DAZL: variants seen among roughly 807,000 people sequenced by gnomAD.
DAZL encodes the protein deleted in azoospermia-like.
A neutral mutation model predicts 45.0 loss-of-function variants in DAZL; 4 were observed. That is an observed-to-expected ratio of 0.09 (90% CI 0.04 to 0.20). DAZL has a LOEUF of 0.20. Among genes scored for constraint, DAZL ranks in the 10% least tolerant of loss-of-function variants. The pLI is 1.00. For missense variants in DAZL, 326 were observed against 351.3 expected (o/e 0.93, Z 0.58); for synonymous variants, 122 against 112.4 (o/e 1.09, Z -0.54).
At chr3:16,596,699 G>C (rs750661689) in intron 6 of DAZL, 51 bp downstream of exon 6, 37 of 1,592,770 alleles carry the variant, frequency 2.3e-5, no homozygotes, top group Non-Finnish European at 3.0e-5. Context: ...TTCCACAGAA[G>C]GTACGATGAC....
At chr3:16,597,678 T>C (rs1694621568) in intron 3 of DAZL, 137 bp from the exon 4 acceptor site, 1 of 667,654 alleles carries the variant, frequency 1.5e-6, no homozygotes, top group Non-Finnish European at 2.8e-6. Context: ...ACATGATAGA[T>C]CCTCTACAAA....
At chr3:16,591,906 A>G in intron 10 of DAZL, 144 bp downstream of exon 10, 1 of 919,700 alleles carries the variant, frequency 1.1e-6, no homozygotes. Context: ...GGTAAAACCC[A>G]CTCTGGTTTA....
At chr3:16,604,103 ACAT>A (rs1246846217) in intron 1 of DAZL, among the ~76,000 whole-genome samples, 4 of 152,224 alleles carry the variant, frequency 2.6e-5, no homozygotes, top group Admixed American at 6.5e-5. Context: ...GCACAATTAC[ACAT>A]AATAGGTGTT....
intron 10 of DAZL, among the ~76,000 whole-genome samples, chr3:16,590,142 G>GTAA (rs1022010192): frequency 2.4e-4 from 36 of 150,732 alleles, no homozygotes; most frequent in African/African-American, 8.7e-4. Context: ...AGACACCTAT[G>GTAA]TAATCATCAG....
intron 9 of DAZL, among the ~76,000 whole-genome samples, chr3:16,592,366 G>A (rs545349556): frequency 2.7e-3 from 413 of 152,144 alleles, no homozygotes; most frequent in Non-Finnish European, 3.7e-3. Flanking sequence ...AGGAATTCAA[G>A]ACCAGCCTGG....
At position 16,598,183 on chromosome 3, in the gene DAZL, G is replaced by A; in HGVS notation, c.151-5C>T. 1 of 1,583,838 alleles carries A rather than the reference G, an allele frequency of 6.3e-7. No homozygotes were observed. The highest frequency in any genetic ancestry group is 8.7e-7 in the Non-Finnish European group (1 of 1,155,904). Reference sequence around the variant, plus strand: ...TCTAATCTCAGTTTCATCCATCTATGGAAAAGAATTGAACTTCAAGAGTAA... The same window carrying A: ...TCTAATCTCAGTTTCATCCATCTATAGAAAAGAATTGAACTTCAAGAGTAA... On this transcript the variant is annotated splice_region_variant and splice_polypyrimidine_tract_variant and intron_variant, in intron 2 of 10. Transcript: ENST00000399444.
chr3:16,596,412 T>C lies in DAZL; in HGVS notation c.498+338A>G, dbSNP rs1328622136. Among the ~76,000 whole-genome samples the C allele has an allele frequency of 2.0e-5, 3 of 152,026 alleles. No individual in the cohort carries two copies. In the East Asian group the frequency reaches 5.8e-4, roughly 29 times the overall value. On this transcript the variant is annotated intron_variant, in intron 6 of 10. Coordinates refer to ENST00000399444, the MANE Select transcript of DAZL (RefSeq NM_001351.4). ...TGCAAATAAAGAATAGCTAGATGAT[T>C]TGCTAACCTTAGAGAAGAATATACT...
intron 1 of DAZL, among the ~76,000 whole-genome samples, chr3:16,598,974 G>C (rs1273375775): frequency 6.6e-6 from 1 of 151,830 alleles, no homozygotes; most frequent in Non-Finnish European, 1.5e-5. Flanking sequence ...GTAGAGATGG[G>C]GTTTCTCCAT....
chr3:16,605,312 C>T lies in DAZL; in HGVS notation c.-107G>A. 1 of 1,381,194 alleles carries T rather than the reference C, an allele frequency of 7.2e-7. No homozygotes were observed. The highest frequency in any genetic ancestry group is 1.0e-6 in the Non-Finnish European group (1 of 967,948). 85.6% of individuals were successfully genotyped at this position (1,381,194 alleles called of 1,614,324 possible). On this transcript the variant is annotated 5_prime_UTR_variant, in exon 1 of 11. Transcript: ENST00000399444. Reference sequence around the variant, plus strand: ...AGGTCCGCTGGAACCCGCTGCGCGGCTTCGAGTGGTCAAAGGAGCCAAAGA... The same window carrying T: ...AGGTCCGCTGGAACCCGCTGCGCGGTTTCGAGTGGTCAAAGGAGCCAAAGA...
chr3:16,598,929 G>A (rs1384282269), intron 1 of DAZL, among the ~76,000 whole-genome samples: 2 of 151,606 alleles, frequency 1.3e-5, no homozygotes, highest in Admixed American at 6.6e-5. Context: ...GATTACATGC[G>A]CCCGACACCA....
At chr3:16,598,646 T>G in intron 1 of DAZL, 48 bp from the exon 2 acceptor site, 1 of 1,550,508 alleles carries the variant, frequency 6.4e-7, no homozygotes, top group South Asian at 1.1e-5. Flanking sequence ...AGGAAAAACC[T>G]ATACATAATG....
chr3:16,598,821 T>C (rs1694640314), intron 1 of DAZL, among the ~76,000 whole-genome samples: 1 of 151,448 alleles, frequency 6.6e-6, no homozygotes, highest in African/African-American at 2.4e-5. Context: ...CTCGCCCTTG[T>C]CACCCAGGCT....
chr3:16,588,871 T>C (rs1373309619), intron 10 of DAZL, among the ~76,000 whole-genome samples, 158 bp from the exon 11 acceptor site: 1 of 152,104 alleles, frequency 6.6e-6, no homozygotes, highest in Non-Finnish European at 1.5e-5. Context: ...TCTTGAACAC[T>C]GGGATAACAT....
rs1386264499 is a variant in DAZL, at chr3:16,588,441, TA to T, written c.*218del. 5 of 387,524 alleles carry T rather than the reference TA, an allele frequency of 1.3e-5. No individual in the cohort carries two copies. Among genetic ancestry groups the T allele is most frequent in the Admixed American group, 7.7e-5 (2 of 25,912 alleles). The allele number at this position is 387,524 out of a possible 1,614,324, so 24.0% of individuals were successfully genotyped here. On this transcript the variant is annotated 3_prime_UTR_variant, in exon 11 of 11. Transcript: ENST00000399444. ...AATCTTAGTTTCTTTCAGTCTCAAT[TA>T]TTTTTTTACTTTCAACTATATTTCA...
intron 10 of DAZL, among the ~76,000 whole-genome samples, chr3:16,590,497 G>C (rs902193063): frequency 6.6e-6 from 1 of 152,186 alleles, no homozygotes; most frequent in African/African-American, 2.4e-5. Context: ...CAGTTCCACT[G>C]AAGGTTAAAT....
chr3:16,599,758 G>T (rs1360098753), intron 1 of DAZL, among the ~76,000 whole-genome samples: 1 of 152,164 alleles, frequency 6.6e-6, no homozygotes, highest in Admixed American at 6.5e-5. Flanking sequence ...AGTAGAATTT[G>T]TAAGTAATAT....
chr3:16,592,220 T>C (rs1694531682), intron 9 of DAZL, 72 bp from the exon 10 acceptor site: 1 of 1,565,704 alleles, frequency 6.4e-7, no homozygotes, highest in Non-Finnish European at 8.8e-7. Flanking sequence ...TTTTTTTTGA[T>C]AGTTTAATGA....
chr3:16,588,736 T>C (rs148790587), intron 10 of DAZL, 23 bp from the exon 11 acceptor site: 28,197 of 1,601,654 alleles, frequency 0.018, 322 homozygotes, highest in Middle Eastern at 0.039. Flanking sequence ...GAAAGAGTCC[T>C]TTTACTTTAC....
At position 16,605,160 on chromosome 3, in the gene DAZL, A is replaced by C. The variant is rs769260598; in HGVS notation, c.3+43T>G. The C allele has an allele frequency of 3.1e-6, 5 of 1,613,838 alleles. No individual in the cohort carries two copies. The East Asian group carries it at 6.7e-5, about 22-fold the overall frequency. Reference sequence around the variant, plus strand: ...AGAGCCGAGTTTCACCCACGAGTGAAGACTCCGCCAGCCTTGCCCCTCGGG... The same window carrying C: ...AGAGCCGAGTTTCACCCACGAGTGACGACTCCGCCAGCCTTGCCCCTCGGG... On this transcript the variant is annotated intron_variant, in intron 1 of 10. Coordinates refer to ENST00000399444, the MANE Select transcript of DAZL (RefSeq NM_001351.4).
Sources: allele counts gnomAD v4.1 joint callset (sites outside exome capture counted in the v4.1 genomes callset), GRCh38; gene constraint gnomAD v4.1.1; transcripts MANE v1.5; gene names NCBI Gene and HGNC (gene_info 2026-07-23, HGNC 2026-07-21).